The following OLFM3 variants were observed in gnomAD, a reference collection of about 807,000 sequenced individuals.
OLFM3 encodes the protein olfactomedin 3.
In OLFM3, 20 loss-of-function variants were observed where a neutral mutation model predicts 48.6. That is an observed-to-expected ratio of 0.41 (90% CI 0.29 to 0.60). The LOEUF (loss-of-function observed/expected upper bound fraction) is 0.60. OLFM3 is among the 20% of genes least tolerant of loss of function. The pLI is 0.28. For synonymous variants in OLFM3, 222 were observed against 198.1 expected, an observed-to-expected ratio of 1.12 and a Z score of -1.01; for missense variants, 437 against 544.3, an observed-to-expected ratio of 0.80 and a Z score of 1.96.
intron 3 of OLFM3, among the ~76,000 whole-genome samples, chr1:101,828,054 CTCTCTCTCTCTG>C (rs1654963979): frequency 5.3e-5 from 6 of 113,666 alleles, no homozygotes; most frequent in South Asian, 2.7e-4. Context: ...CTGTCTGTCT[CTCTCTCTCTCTG>C]TCTCTCTCTC....
intron 1 of OLFM3, among the ~76,000 whole-genome samples, chr1:101,844,726 T>G (rs1655901306): frequency 6.6e-6 from 1 of 152,194 alleles, no homozygotes. Context: ...TCCCAATCAT[T>G]TATTATCTGA....
chr1:101,977,754 G>C lies in OLFM3; in HGVS notation c.69+18994C>G, dbSNP rs369552916. On this transcript the variant is annotated intron_variant, in intron 1 of 5. Coordinates refer to ENST00000370103, the MANE Select transcript of OLFM3 (RefSeq NM_058170.4). ...GCCAAGATTTATTCCATCAAATATAGCCTTTTATGTTTAGAAGGGTCTTTG... is the reference window on the plus strand; with the variant it reads ...GCCAAGATTTATTCCATCAAATATACCCTTTTATGTTTAGAAGGGTCTTTG... 5.5e-4 allele frequency among the ~76,000 whole-genome samples: 84 copies of C among 151,938 alleles called. 1 individual carries two copies. In the Middle Eastern group the frequency reaches 0.01, roughly 18 times the overall value.
At chr1:101,940,613 G>C (rs1447579956) in intron 1 of OLFM3, among the ~76,000 whole-genome samples, 1 of 150,876 alleles carries the variant, frequency 6.6e-6, no homozygotes, top group East Asian at 1.9e-4. Flanking sequence ...GGCAAATATG[G>C]GTATGTGTGG....
intron 1 of OLFM3, among the ~76,000 whole-genome samples, chr1:101,920,553 C>T (rs1217572664): frequency 6.6e-6 from 1 of 152,200 alleles, no homozygotes; most frequent in Non-Finnish European, 1.5e-5. Context: ...AATCTGATGA[C>T]AGCAAAAATG....
chr1:101,963,283 T>C (rs933494943), intron 1 of OLFM3, among the ~76,000 whole-genome samples: 3 of 152,226 alleles, frequency 2.0e-5, no homozygotes, highest in Non-Finnish European at 1.5e-5. Flanking sequence ...ATGATCACTC[T>C]CCTTGTTCTG....
chr1:101,829,543 A>G (rs1242047226), intron 3 of OLFM3, among the ~76,000 whole-genome samples: 1 of 152,236 alleles, frequency 6.6e-6, no homozygotes, highest in African/African-American at 2.4e-5. Flanking sequence ...CAAAACCATG[A>G]AACTTTCTGC....
chr1:101,954,350 A>C (rs1254159635), intron 1 of OLFM3, among the ~76,000 whole-genome samples: 2 of 152,070 alleles, frequency 1.3e-5, no homozygotes, highest in African/African-American at 4.8e-5. Flanking sequence ...TCTACCTATA[A>C]GTTTTATTTC....
intron 1 of OLFM3, among the ~76,000 whole-genome samples, chr1:101,878,581 G>T (rs1570589053): frequency 1.3e-5 from 2 of 151,930 alleles, no homozygotes; most frequent in South Asian, 2.1e-4. Flanking sequence ...AGCAGTAGGG[G>T]TAGAAATAAT....
intron 1 of OLFM3, among the ~76,000 whole-genome samples, chr1:101,953,586 A>G (rs552027172): frequency 7.0e-4 from 107 of 152,244 alleles, no homozygotes; most frequent in African/African-American, 2.4e-3. Flanking sequence ...ACCATGTTCT[A>G]GAAGAAAACA....
intron 1 of OLFM3, among the ~76,000 whole-genome samples, chr1:101,887,967 A>G (rs981878414): frequency 6.6e-6 from 1 of 152,138 alleles, no homozygotes; most frequent in South Asian, 2.1e-4. Flanking sequence ...GTATGCAGCT[A>G]TTAACATGTG....
At chr1:101,852,919 G>A (rs916200207) in intron 1 of OLFM3, among the ~76,000 whole-genome samples, 2 of 151,998 alleles carry the variant, frequency 1.3e-5, no homozygotes, top group African/African-American at 2.4e-5. Flanking sequence ...TACCATCCCA[G>A]CTGCCACTGT....
At chr1:101,848,086 T>G (rs1656082293) in intron 1 of OLFM3, among the ~76,000 whole-genome samples, 1 of 152,178 alleles carries the variant, frequency 6.6e-6, no homozygotes, top group Non-Finnish European at 1.5e-5. Context: ...CTTTATTATA[T>G]TGTTTTCATA....
intron 1 of OLFM3, among the ~76,000 whole-genome samples, chr1:101,900,866 G>A (rs1005046457): frequency 2.6e-5 from 4 of 152,012 alleles, no homozygotes; most frequent in African/African-American, 9.7e-5. Flanking sequence ...TAACTTTACA[G>A]ATTTACTGCA....
intron 1 of OLFM3, among the ~76,000 whole-genome samples, chr1:101,843,392 C>A (rs1037367130): frequency 1.3e-5 from 2 of 152,166 alleles, no homozygotes; most frequent in African/African-American, 2.4e-5. Flanking sequence ...AGAAGCTCAG[C>A]CTCTAGGGGA....
chr1:101,810,357 A>G (rs750824512), intron 4 of OLFM3, among the ~76,000 whole-genome samples: 6 of 151,990 alleles, frequency 3.9e-5, no homozygotes, highest in Non-Finnish European at 8.8e-5. Flanking sequence ...ATGTTAATAT[A>G]AATATAGACA....
intron 1 of OLFM3, among the ~76,000 whole-genome samples, chr1:101,945,797 G>C (rs981475659): frequency 6.6e-6 from 1 of 151,966 alleles, no homozygotes; most frequent in African/African-American, 2.4e-5. Context: ...AAAGAAATGT[G>C]TTATCCCAAT....
chr1:101,854,923 G>A (rs1031486584), intron 1 of OLFM3, among the ~76,000 whole-genome samples: 1 of 151,956 alleles, frequency 6.6e-6, no homozygotes, highest in African/African-American at 2.4e-5. Context: ...CCCTGTTATA[G>A]GGCCTGGAAC....
intron 1 of OLFM3, among the ~76,000 whole-genome samples, chr1:101,857,577 TC>T (rs1453261937): frequency 1.3e-5 from 2 of 151,754 alleles, no homozygotes; most frequent in African/African-American, 4.9e-5. Context: ...TTCCACCCGC[TC>T]CCCATGCTCT....
At chr1:101,897,327 A>G (rs543529640) in intron 1 of OLFM3, among the ~76,000 whole-genome samples, 9 of 152,312 alleles carry the variant, frequency 5.9e-5, no homozygotes, top group African/African-American at 2.2e-4. Context: ...CTTATAACAA[A>G]ATATTCTTTC....
Sources: gnomAD v4.1 joint callset for allele counts (sites outside exome capture counted in the v4.1 genomes callset) on GRCh38, gnomAD v4.1.1 for gene constraint, MANE v1.5 for transcripts, NCBI Gene and HGNC (gene_info 2026-07-23, HGNC 2026-07-21) for gene names.